The following DENND1B variants were observed in gnomAD, a reference collection of about 807,000 sequenced individuals.
DENND1B encodes DENN domain-containing protein 1B.
A neutral mutation model predicts 90.1 loss-of-function variants in DENND1B; 59 were observed. The observed-to-expected ratio is 0.65, with a 90% confidence interval of 0.53 to 0.81. DENND1B has a LOEUF of 0.81. Among genes scored for constraint, DENND1B ranks in the 40% least tolerant of loss-of-function variants. The pLI, the probability that DENND1B is intolerant of heterozygous loss-of-function variation, is 0.00. For synonymous variants in DENND1B, 337 were observed against 324.6 expected (o/e 1.04, Z -0.41); for missense variants, 862 against 912.6 (o/e 0.94, Z 0.71).
chr1:197,601,042 A>T (rs1046287766), intron 13 of DENND1B, among the ~76,000 whole-genome samples: 2 of 151,220 alleles, frequency 1.3e-5, no homozygotes, highest in African/African-American at 4.9e-5. Flanking sequence ...TCTCACCCTT[A>T]ATCTAAATTA....
chr1:197,518,421 C>T (rs1668548587), intron 20 of DENND1B, among the ~76,000 whole-genome samples: 2 of 151,896 alleles, frequency 1.3e-5, no homozygotes, highest in South Asian at 2.1e-4. Flanking sequence ...AACTTACATG[C>T]TGTCTGCCTG....
intron 14 of DENND1B, among the ~76,000 whole-genome samples, chr1:197,586,288 A>G (rs1674687678): frequency 1.3e-5 from 2 of 152,144 alleles, no homozygotes; most frequent in Non-Finnish European, 2.9e-5. Flanking sequence ...AAACAATGAT[A>G]TTGTTCAGAC....
At chr1:197,577,236 A>T (rs1261127097) in intron 15 of DENND1B, among the ~76,000 whole-genome samples, 3 of 152,308 alleles carry the variant, frequency 2.0e-5, no homozygotes, top group South Asian at 4.1e-4. Context: ...AGAAAAGATG[A>T]GATGATTGAC....
At chr1:197,696,044 T>G (rs1192794272) in intron 3 of DENND1B, among the ~76,000 whole-genome samples, 1 of 151,286 alleles carries the variant, frequency 6.6e-6, no homozygotes, top group African/African-American at 2.4e-5. Context: ...GCATCCTTTT[T>G]TTATTCAATA....
At position 197,702,598 on chromosome 1, in the gene DENND1B, T is replaced by A. The variant is rs181120679; in HGVS notation, c.126+12433A>T. Among the ~76,000 whole-genome samples the A allele has an allele frequency of 6.6e-5, 10 of 152,330 alleles. No homozygotes were observed. The Middle Eastern group carries it at 0.014, about 209-fold the overall frequency. On this transcript the variant is annotated intron_variant, in intron 3 of 22. Transcript: ENST00000620048. ...GATAATTCCTCAGAATGCTAAAACA[T>A]TAATTACTAAGCACAATTTGTCTAT...
intron 5 of DENND1B, among the ~76,000 whole-genome samples, chr1:197,662,618 G>T (rs1411775223): frequency 6.6e-6 from 1 of 151,724 alleles, no homozygotes; most frequent in Non-Finnish European, 1.5e-5. Flanking sequence ...CAATGTGCAG[G>T]TTTGTTACAT....
At chr1:197,644,931 T>C (rs948496026) in intron 9 of DENND1B, among the ~76,000 whole-genome samples, 29 of 152,180 alleles carry the variant, frequency 1.9e-4, no homozygotes, top group African/African-American at 6.3e-4. Flanking sequence ...TCCTACTGAT[T>C]CATTTTAACT....
rs981583882 is a variant in DENND1B at position 197,626,639 on chromosome 1, A to T, written c.673-8880T>A. 4.6e-5 allele frequency among the ~76,000 whole-genome samples: 7 copies of T among 152,122 alleles called. No individual in the cohort carries two copies. The East Asian group carries it at 1.3e-3, about 29-fold the overall frequency. ...GAACTAGAAGAGCAAGAGCAAACAC[A>T]TTCAAAAACTAGCAAAAGGCAAGAA... On this transcript the variant is annotated intron_variant, in intron 10 of 22. Transcript: ENST00000620048.
At chr1:197,667,166 C>T (rs1655026234) in intron 5 of DENND1B, among the ~76,000 whole-genome samples, 1 of 151,406 alleles carries the variant, frequency 6.6e-6, no homozygotes, top group Non-Finnish European at 1.5e-5. Context: ...TTTTCAACCA[C>T]ATCTTAAGGG....
At chr1:197,594,725 T>G (rs1239037279) in intron 14 of DENND1B, among the ~76,000 whole-genome samples, 4 of 152,110 alleles carry the variant, frequency 2.6e-5, no homozygotes, top group Non-Finnish European at 5.9e-5. Context: ...GCTAAAGAGA[T>G]AAACCCACCT....
chr1:197,690,211 A>G, intron 3 of DENND1B: 1 of 295,652 alleles, frequency 3.4e-6, no homozygotes, highest in Admixed American at 3.8e-5. Flanking sequence ...GTGTCTGTCA[A>G]AGATACTCGT....
intron 15 of DENND1B, among the ~76,000 whole-genome samples, chr1:197,582,610 T>C (rs767381737): frequency 2.0e-5 from 3 of 152,206 alleles, no homozygotes; most frequent in Non-Finnish European, 4.4e-5. Context: ...AAATCTGATG[T>C]CTAGTTACTG....
At chr1:197,614,031 C>CT (rs34399290) in intron 11 of DENND1B, among the ~76,000 whole-genome samples, 1,835 of 137,054 alleles carry the variant, frequency 0.013, 27 homozygotes, top group African/African-American at 0.03. Context: ...TCTAGGAAAA[C>CT]TTTTTTTTTT....
intron 15 of DENND1B, among the ~76,000 whole-genome samples, chr1:197,562,919 C>A (rs533324719): frequency 6.6e-6 from 1 of 151,874 alleles, no homozygotes; most frequent in Non-Finnish European, 1.5e-5. Context: ...TTTGAGTGGT[C>A]TAGATAGAAA....
intron 10 of DENND1B, among the ~76,000 whole-genome samples, chr1:197,640,001 C>T (rs542154091): frequency 1.3e-5 from 2 of 152,174 alleles, no homozygotes; most frequent in South Asian, 2.1e-4. Flanking sequence ...GGTGACATCA[C>T]CATCAAGTTT....
intron 22 of DENND1B, among the ~76,000 whole-genome samples, 163 bp downstream of exon 22, chr1:197,511,565 G>T (rs1301223883): frequency 1.3e-5 from 2 of 151,562 alleles, no homozygotes; most frequent in African/African-American, 4.8e-5. Flanking sequence ...TTTAATAATA[G>T]AAATAATTTC....
At chr1:197,697,583 C>A (rs993892864) in intron 3 of DENND1B, among the ~76,000 whole-genome samples, 11 of 151,566 alleles carry the variant, frequency 7.3e-5, no homozygotes, top group Non-Finnish European at 1.6e-4. Flanking sequence ...AGCATTTCCT[C>A]ATGAATCTCA....
intron 12 of DENND1B, among the ~76,000 whole-genome samples, chr1:197,610,493 T>C (rs1479638893): frequency 6.6e-6 from 1 of 150,604 alleles, no homozygotes; most frequent in African/African-American, 2.4e-5. Context: ...CCAACAACTT[T>C]AAATATTTTT....
chr1:197,684,033 G>C (rs1389541381), intron 3 of DENND1B, among the ~76,000 whole-genome samples: 2 of 152,144 alleles, frequency 1.3e-5, no homozygotes. Flanking sequence ...GAAAAAATCT[G>C]AACTCATGTA....
Sources: allele counts gnomAD v4.1 joint callset (sites outside exome capture counted in the v4.1 genomes callset), GRCh38; gene constraint gnomAD v4.1.1; transcripts MANE v1.5; gene names NCBI Gene and HGNC (gene_info 2026-07-23, HGNC 2026-07-21).